Variants in ABLIM2 observed in about 807,000 individuals in gnomAD.
ABLIM2 encodes the protein actin binding LIM protein family member 2.
Under a neutral mutation model 97.7 loss-of-function variants are expected in ABLIM2, and 53 were observed. The ratio of observed to expected loss-of-function variants is 0.54; its 90% CI spans 0.44 to 0.68. The LOEUF (loss-of-function observed/expected upper bound fraction) is 0.68. Among genes scored for constraint, ABLIM2 ranks in the 30% least tolerant of loss-of-function variants. ABLIM2 has a pLI of 0.00. For missense variants in ABLIM2, 835 were observed against 867.2 expected (o/e 0.96, Z 0.47); for synonymous variants, 361 against 345.8 (o/e 1.04, Z -0.49).
intron 1 of ABLIM2, among the ~76,000 whole-genome samples, chr4:8,134,394 G>T (rs1312066088): frequency 1.3e-5 from 2 of 152,132 alleles, no homozygotes; most frequent in African/African-American, 4.8e-5. Flanking sequence ...CGCCCAGGCC[G>T]GAAACTGGGC....
chr4:8,109,262 G>T (rs1839126336), intron 1 of ABLIM2, among the ~76,000 whole-genome samples: 1 of 152,242 alleles, frequency 6.6e-6, no homozygotes, highest in Non-Finnish European at 1.5e-5. Flanking sequence ...GCAGGTGATG[G>T]GGCATGGCCC....
At chr4:8,099,737 C>G (rs962598059) in intron 2 of ABLIM2, among the ~76,000 whole-genome samples, 1 of 151,902 alleles carries the variant, frequency 6.6e-6, no homozygotes. Flanking sequence ...CCTGGCTACT[C>G]GGGAGGCTGA....
intron 11 of ABLIM2, 109 bp from the exon 12 acceptor site, chr4:8,027,966 G>A: frequency 1.3e-6 from 1 of 781,140 alleles, no homozygotes; most frequent in East Asian, 3.3e-5. Context: ...CCTCTCTTGA[G>A]GAATGCACAA....
intron 1 of ABLIM2, among the ~76,000 whole-genome samples, chr4:8,156,397 C>T (rs988810730): frequency 1.3e-5 from 2 of 152,168 alleles, no homozygotes; most frequent in Admixed American, 6.5e-5. Flanking sequence ...CGGATCCAGG[C>T]CTGTCTGGTA....
chr4:8,045,754 C>A (rs1276787330), intron 8 of ABLIM2, among the ~76,000 whole-genome samples: 1 of 152,178 alleles, frequency 6.6e-6, no homozygotes. Flanking sequence ...TAGCATCAGG[C>A]AGACATGGTG....
At chr4:7,979,841 A>T (rs546784109) in intron 20 of ABLIM2, among the ~76,000 whole-genome samples, 41 of 152,320 alleles carry the variant, frequency 2.7e-4, no homozygotes, top group African/African-American at 9.4e-4. Context: ...TAGCTGATTA[A>T]AGGGTGGTCA....
chr4:7,984,160 G>A (rs931467643), intron 18 of ABLIM2, among the ~76,000 whole-genome samples: 7 of 152,204 alleles, frequency 4.6e-5, no homozygotes, highest in African/African-American at 1.7e-4. Flanking sequence ...AGCCAGTCTC[G>A]GAAGGGAGAC....
At position 8,046,073 on chromosome 4, in the gene ABLIM2, A is replaced by C. The variant is rs1306423845; in HGVS notation, c.823-832T>G. Among the ~76,000 whole-genome samples, 3 of 151,646 alleles carry C rather than the reference A, an allele frequency of 2.0e-5. No homozygotes were observed. The highest frequency in any genetic ancestry group is 4.8e-5 in the African/African-American group (2 of 41,246). On this transcript the variant is annotated intron_variant, in intron 8 of 20. Transcript: ENST00000447017. This position sits in a 1 kb window ranked among gnomAD's most constrained non-coding sequence, Gnocchi z 4.4. Reference sequence around the variant, plus strand: ...GAGCCCCCTGGCAGCCACTCTCCCAACTGCACCTGTGGGCTTGTCCTGGCC... The same window carrying C: ...GAGCCCCCTGGCAGCCACTCTCCCACCTGCACCTGTGGGCTTGTCCTGGCC...
chr4:8,012,208 C>G (rs1374086775), intron 14 of ABLIM2, among the ~76,000 whole-genome samples: 2 of 150,694 alleles, frequency 1.3e-5, no homozygotes, highest in South Asian at 2.1e-4. Flanking sequence ...CATTCACCCG[C>G]CTATACATCC....
intron 16 of ABLIM2, chr4:7,993,858 G>A (rs1041334592): frequency 1.7e-5 from 8 of 473,550 alleles, no homozygotes; most frequent in Non-Finnish European, 3.0e-5. Context: ...AGCCCCCACC[G>A]AGCTCCCTCC....
chr4:7,982,383 G>A (rs35610781), intron 20 of ABLIM2, among the ~76,000 whole-genome samples: 15,500 of 152,278 alleles, frequency 0.1, 983 homozygotes, highest in Non-Finnish European at 0.15. Flanking sequence ...CTGAAAGGCA[G>A]CAGCACATTC....
intron 1 of ABLIM2, among the ~76,000 whole-genome samples, chr4:8,154,603 T>A (rs1471230477): frequency 6.6e-6 from 1 of 152,246 alleles, no homozygotes; most frequent in East Asian, 1.9e-4. Flanking sequence ...TTCTTAAGCA[T>A]TTTCTCCTAA....
intron 1 of ABLIM2, among the ~76,000 whole-genome samples, chr4:8,143,166 G>T (rs1041872957): frequency 6.7e-6 from 1 of 149,146 alleles, no homozygotes; most frequent in Non-Finnish European, 1.5e-5. Flanking sequence ...GAGTGGGGGG[G>T]GGGGGCGTCT....
At chr4:7,979,176 T>A (rs571765784) in intron 20 of ABLIM2, among the ~76,000 whole-genome samples, 1 of 152,290 alleles carries the variant, frequency 6.6e-6, no homozygotes, top group South Asian at 2.1e-4. Flanking sequence ...TTCTGTGGGG[T>A]TAAGTCCAAA....
intron 6 of ABLIM2, among the ~76,000 whole-genome samples, chr4:8,064,958 G>A (rs147885150): frequency 6.6e-6 from 1 of 152,282 alleles, no homozygotes; most frequent in Non-Finnish European, 1.5e-5. Flanking sequence ...AAGAAAACAT[G>A]CTGTTAAGAG....
rs1048181170 is a variant in ABLIM2, at chr4:8,148,798, G to A, written c.10+9882C>T. Among the ~76,000 whole-genome samples, 1 of 152,158 alleles carries A rather than the reference G, an allele frequency of 6.6e-6. No homozygotes were observed. The highest frequency in any genetic ancestry group is 2.4e-5 in the African/African-American group (1 of 41,432). ...AGATGAGGAGGCCAAGGCTCAGGGG[G>A]TACATGGCCTGGGCTGGTTCCTGGA... On this transcript the variant is annotated intron_variant, in intron 1 of 20. Coordinates refer to ENST00000447017, the MANE Select transcript of ABLIM2 (RefSeq NM_001130083.2). This position sits in a 1 kb window ranked among gnomAD's most constrained non-coding sequence, Gnocchi z 6.7.
At chr4:7,984,777 T>G in intron 18 of ABLIM2, 62 bp downstream of exon 18, 1 of 1,497,830 alleles carries the variant, frequency 6.7e-7, no homozygotes, top group Non-Finnish European at 9.0e-7. Context: ...GAACAAGTCT[T>G]GTGGAATGTG....
rs1473934439 is a variant in ABLIM2, at chr4:8,009,279, A to T, written c.1424-177T>A. ...GGTAAGCTGGAGGAGGTCCCCAGGG[A>T]TCACGACCCAGGGAGCATCAGCAGC... On this transcript the variant is annotated intron_variant, in intron 14 of 20. Transcript: ENST00000447017. Among the ~76,000 whole-genome samples, 10 of 152,234 alleles carry T rather than the reference A, an allele frequency of 6.6e-5. No homozygotes were observed. In the South Asian group the frequency reaches 8.3e-4, roughly 13 times the overall value.
chr4:8,138,451 G>T lies in ABLIM2; in HGVS notation c.10+20229C>A, dbSNP rs565205957. On this transcript the variant is annotated intron_variant, in intron 1 of 20. Transcript: ENST00000447017. ...AAAAGACCAAAGCTGGAGGCATCAT[G>T]CTACCTGACTTCAAACTATACTATG... Among the ~76,000 whole-genome samples, 22 of 152,264 alleles carry T rather than the reference G, an allele frequency of 1.4e-4. No individual in the cohort carries two copies. The South Asian group carries it at 4.6e-3, about 32-fold the overall frequency.
Sources: allele counts gnomAD v4.1 joint callset (sites outside exome capture counted in the v4.1 genomes callset), GRCh38; gene constraint gnomAD v4.1.1; non-coding constraint Gnocchi (gnomAD v3.1); transcripts MANE v1.5; gene names NCBI Gene and HGNC (gene_info 2026-07-23, HGNC 2026-07-21).